The following TBL1XR1 variants were observed in gnomAD, a reference collection of about 807,000 sequenced individuals.
The protein encoded by TBL1XR1 is TBL1X/Y related 1, also known as F-box-like/WD repeat-containing protein TBL1XR1.
TBL1XR1 carries 5 observed loss-of-function variants against 66.9 expected under a neutral mutation model. That is an observed-to-expected ratio of 0.07 (90% CI 0.04 to 0.16). The LOEUF (loss-of-function observed/expected upper bound fraction) is 0.16. TBL1XR1 is among the 10% of genes least tolerant of loss of function. The pLI is 1.00. For synonymous variants in TBL1XR1, 210 were observed against 206.0 expected (o/e 1.02, Z -0.17); for missense variants, 238 against 623.2 (o/e 0.38, Z 6.58).
In TBL1XR1 at chr3:177,119,626, C is replaced by T. The variant is rs1268415659; in HGVS notation, c.-121-21085G>A. On this transcript the variant is annotated intron_variant, in intron 1 of 15. Transcript: ENST00000457928. The stretch of plus-strand genomic sequence containing the variant: ...TGACCATTCACTACATTGTGATACA[C>T]TGCTGGTCCAGATCCCAGTCTAGGC... Among the ~76,000 whole-genome samples the T allele has an allele frequency of 3.3e-5, 5 of 152,332 alleles. No homozygotes were observed. The South Asian group carries it at 8.3e-4, about 25-fold the overall frequency.
At chr3:177,098,643 C>A in intron 1 of TBL1XR1, 102 bp from the exon 2 acceptor site, 1 of 541,518 alleles carries the variant, frequency 1.8e-6, no homozygotes, top group Non-Finnish European at 2.4e-6. Flanking sequence ...TCTTTAAGGT[C>A]CCCACCAGTG....
chr3:177,131,348 G>A (rs1728272054), intron 1 of TBL1XR1: 8 of 985,232 alleles, frequency 8.1e-6, no homozygotes, highest in South Asian at 4.7e-5. Flanking sequence ...AGATGGGAAA[G>A]AGAATCACAC....
rs1712613181 is a variant in TBL1XR1, at chr3:177,023,164, A to G, written c.*2334T>C. 6.6e-6 allele frequency: 1 copy of G among 152,540 alleles called. No individual in the cohort carries two copies. Among genetic ancestry groups the G allele is most frequent in the African/African-American group, 2.4e-5 (1 of 41,434 alleles). The allele number at this position is 152,540 out of a possible 1,614,324, so 9.4% of individuals were successfully genotyped here. On this transcript the variant is annotated 3_prime_UTR_variant, in exon 16 of 16. Coordinates refer to ENST00000457928, the MANE Select transcript of TBL1XR1 (RefSeq NM_024665.7). ...GTATGCAAATGAATAAACTGTCCAT[A>G]TCAAAATACAAAAGTACTATCAATA...
chr3:177,190,132 TC>T (rs1735956805), intron 1 of TBL1XR1, among the ~76,000 whole-genome samples: 1 of 18,014 alleles, frequency 5.6e-5, no homozygotes, highest in South Asian at 2.5e-3. Flanking sequence ...AAACTCCATC[TC>T]AAAAAAAAAA....
intron 2 of TBL1XR1, among the ~76,000 whole-genome samples, chr3:177,077,109 A>G (rs1720790959): frequency 6.6e-6 from 1 of 152,240 alleles, no homozygotes; most frequent in Non-Finnish European, 1.5e-5. Flanking sequence ...GAGAAAGAAC[A>G]TTTTAGTATT....
chr3:177,176,659 C>CA (rs1361142768), intron 1 of TBL1XR1, among the ~76,000 whole-genome samples: 10 of 151,364 alleles, frequency 6.6e-5, no homozygotes, highest in Non-Finnish European at 8.8e-5. Context: ...ATTAAAAACA[C>CA]AAAAAATTAG....
At chr3:177,058,808 T>C (rs932886721) in intron 3 of TBL1XR1, among the ~76,000 whole-genome samples, 26 of 152,240 alleles carry the variant, frequency 1.7e-4, no homozygotes, top group African/African-American at 6.0e-4. Context: ...GTTTGGCAAC[T>C]ATTAAAGGAC....
chr3:177,104,853 A>G (rs1468254486), intron 1 of TBL1XR1, among the ~76,000 whole-genome samples: 5 of 152,234 alleles, frequency 3.3e-5, no homozygotes, highest in Non-Finnish European at 5.9e-5. Flanking sequence ...ATTGTGCAAG[A>G]ATAAAACAAA....
At chr3:177,088,383 G>T (rs558767918) in intron 2 of TBL1XR1, among the ~76,000 whole-genome samples, 1 of 152,178 alleles carries the variant, frequency 6.6e-6, no homozygotes. Context: ...ATATATATAA[G>T]GAGTATATGA....
intron 14 of TBL1XR1, chr3:177,026,682 C>G: frequency 2.1e-6 from 1 of 467,888 alleles, no homozygotes; most frequent in Non-Finnish European, 3.7e-6. Flanking sequence ...AGATTACTCA[C>G]ACACATATTC....
intron 1 of TBL1XR1, among the ~76,000 whole-genome samples, chr3:177,138,613 G>A (rs537583194): frequency 2.2e-4 from 33 of 152,150 alleles, no homozygotes; most frequent in African/African-American, 7.7e-4. Flanking sequence ...AAGGGAGAGG[G>A]GGAAAGTGGG....
chr3:177,120,191 C>A (rs1251729761), intron 1 of TBL1XR1, among the ~76,000 whole-genome samples: 1 of 152,080 alleles, frequency 6.6e-6, no homozygotes, highest in African/African-American at 2.4e-5. Flanking sequence ...GTTATGCCTT[C>A]TTTAATTCGG....
At chr3:177,128,449 C>G (rs1452272460) in intron 1 of TBL1XR1, among the ~76,000 whole-genome samples, 1 of 152,140 alleles carries the variant, frequency 6.6e-6, no homozygotes, top group African/African-American at 2.4e-5. Context: ...ACACAGCTCC[C>G]TGCAGCCTGG....
chr3:177,082,337 T>C (rs1721497811), intron 2 of TBL1XR1, among the ~76,000 whole-genome samples: 2 of 152,092 alleles, frequency 1.3e-5, no homozygotes, highest in African/African-American at 4.8e-5. Flanking sequence ...CATGTTATGT[T>C]CTAAAATGAA....
At chr3:177,078,808 G>A (rs1721026489) in intron 2 of TBL1XR1, 1 of 151,790 alleles carries the variant, frequency 6.6e-6, no homozygotes, top group Non-Finnish European at 1.5e-5. Flanking sequence ...AATTAGCCGA[G>A]CATGGTGGCG....
At chr3:177,139,994 A>G (rs922849854) in intron 1 of TBL1XR1, among the ~76,000 whole-genome samples, 1 of 152,182 alleles carries the variant, frequency 6.6e-6, no homozygotes, top group Non-Finnish European at 1.5e-5. Flanking sequence ...GTGTCCACCA[A>G]GTTCTACAAG....
intron 1 of TBL1XR1, among the ~76,000 whole-genome samples, chr3:177,189,696 A>C: frequency 6.6e-6 from 1 of 151,092 alleles, no homozygotes; most frequent in East Asian, 2.0e-4. Flanking sequence ...AGTTGCCTTT[A>C]TAGTCAATTA....
intron 3 of TBL1XR1, among the ~76,000 whole-genome samples, chr3:177,055,544 G>A (rs1577040203): frequency 6.6e-6 from 1 of 150,734 alleles, no homozygotes; most frequent in Non-Finnish European, 1.5e-5. Context: ...ATACCAATCG[G>A]GGGGCGGGGC....
chr3:177,112,253 G>A (rs1393602799), intron 1 of TBL1XR1, among the ~76,000 whole-genome samples: 2 of 150,366 alleles, frequency 1.3e-5, no homozygotes, highest in East Asian at 2.0e-4. Flanking sequence ...GATTACAGGC[G>A]TCTGCCACTA....
Sources: gnomAD v4.1 joint callset for allele counts (sites outside exome capture counted in the v4.1 genomes callset) on GRCh38, gnomAD v4.1.1 for gene constraint, MANE v1.5 for transcripts, NCBI Gene and HGNC (gene_info 2026-07-23, HGNC 2026-07-21) for gene names.